DTNA: variants seen among roughly 807,000 people sequenced by gnomAD.
The protein encoded by DTNA is dystrobrevin alpha, also known as dystrophin-related protein 3.
A neutral mutation model predicts 100.7 loss-of-function variants in DTNA; 43 were observed. The observed-to-expected ratio is 0.43, with a 90% CI of 0.33 to 0.55. DTNA has a LOEUF of 0.55. DTNA is among the 20% of genes least tolerant of loss of function. The pLI is 0.04. For synonymous variants in DTNA, 349 were observed against 347.9 expected, an observed-to-expected ratio of 1.00 and a Z score of -0.04; for missense variants, 798 against 953.9, an observed-to-expected ratio of 0.84 and a Z score of 2.15.
intron 1 of DTNA, among the ~76,000 whole-genome samples, chr18:34,634,810 T>A (rs562061762): frequency 6.6e-6 from 1 of 152,202 alleles, no homozygotes; most frequent in Non-Finnish European, 1.5e-5. Flanking sequence ...CTACCTCCTT[T>A]TTTGTAGTGA....
chr18:34,764,639 G>A (rs959032890), intron 2 of DTNA, among the ~76,000 whole-genome samples: 2 of 152,204 alleles, frequency 1.3e-5, no homozygotes, highest in Non-Finnish European at 2.9e-5. Flanking sequence ...TGAAGATATC[G>A]GTTTGAGTTG....
intron 1 of DTNA, among the ~76,000 whole-genome samples, chr18:34,528,487 T>TAC (rs919718253): frequency 2.0e-5 from 3 of 152,006 alleles, no homozygotes; most frequent in Admixed American, 6.6e-5. Context: ...CATATATATA[T>TAC]ACACACACAT....
chr18:34,814,793 G>T (rs1443005945), intron 6 of DTNA, among the ~76,000 whole-genome samples: 1 of 152,126 alleles, frequency 6.6e-6, no homozygotes, highest in East Asian at 1.9e-4. Flanking sequence ...AGACTGTTCT[G>T]TTATATGATT....
At chr18:34,614,716 G>C (rs555354543) in intron 1 of DTNA, among the ~76,000 whole-genome samples, 1 of 152,344 alleles carries the variant, frequency 6.6e-6, no homozygotes, top group African/African-American at 2.4e-5. Flanking sequence ...GATAGAACTT[G>C]AAAACAAGAG....
chr18:34,709,739 G>A (rs916404173), upstream of DTNA, among the ~76,000 whole-genome samples: 2 of 152,124 alleles, frequency 1.3e-5, no homozygotes, highest in African/African-American at 4.8e-5. Context: ...GTTAAACACA[G>A]GGTTTTGATG....
intron 1 of DTNA, among the ~76,000 whole-genome samples, chr18:34,647,899 C>T (rs2060028562): frequency 6.6e-6 from 1 of 152,070 alleles, no homozygotes; most frequent in Admixed American, 6.6e-5. Context: ...ATGCCTACCT[C>T]CATGGATGAA....
chr18:34,755,700 T>C (rs1052909064), intron 1 of DTNA: 21 of 394,254 alleles, frequency 5.3e-5, no homozygotes, highest in African/African-American at 3.9e-4. Flanking sequence ...TTGTTGTATT[T>C]AGTTATAGCA....
At chr18:34,582,117 C>G (rs943978354) in intron 1 of DTNA, among the ~76,000 whole-genome samples, 16 of 151,892 alleles carry the variant, frequency 1.1e-4, no homozygotes, top group Non-Finnish European at 1.6e-4. Flanking sequence ...TGTGGCTGCT[C>G]AGAGAGAGAG....
chr18:34,673,451 A>G (rs139937055), intron 1 of DTNA, among the ~76,000 whole-genome samples: 2 of 151,776 alleles, frequency 1.3e-5, no homozygotes, highest in Admixed American at 1.3e-4. Context: ...AAATGCAAGT[A>G]TCATCTCGAT....
chr18:34,702,773 A>T (rs1016046225), intron 1 of DTNA, among the ~76,000 whole-genome samples: 1 of 152,230 alleles, frequency 6.6e-6, no homozygotes, highest in African/African-American at 2.4e-5. Context: ...TATAAGCAAT[A>T]CACCTATTAA....
intron 1 of DTNA, among the ~76,000 whole-genome samples, chr18:34,581,152 G>T (rs1444604074): frequency 1.3e-5 from 2 of 152,212 alleles, no homozygotes; most frequent in East Asian, 3.9e-4. Flanking sequence ...GGAGACTGAG[G>T]CAGGAGAATG....
At chr18:34,761,076 A>G (rs76339426) in intron 2 of DTNA, among the ~76,000 whole-genome samples, 1 of 150,990 alleles carries the variant, frequency 6.6e-6, no homozygotes, top group Non-Finnish European at 1.5e-5. Context: ...TCTTCCTGTC[A>G]GTATCTCTCT....
At chr18:34,579,847 G>A (rs2048451149) in intron 1 of DTNA, among the ~76,000 whole-genome samples, 1 of 152,054 alleles carries the variant, frequency 6.6e-6, no homozygotes, top group African/African-American at 2.4e-5. Context: ...TACATGGGTT[G>A]ATATCTTTTA....
chr18:34,874,412 C>T (rs1364949636), intron 17 of DTNA, among the ~76,000 whole-genome samples: 1 of 152,240 alleles, frequency 6.6e-6, no homozygotes, highest in Non-Finnish European at 1.5e-5. Flanking sequence ...CAAGGCACCT[C>T]ATTTAGAGAC....
chr18:34,586,293 A>T (rs1449281187), intron 1 of DTNA, among the ~76,000 whole-genome samples: 1 of 152,178 alleles, frequency 6.6e-6, no homozygotes, highest in East Asian at 1.9e-4. Context: ...TGGTGCCTCC[A>T]AGGGTAGATT....
At chr18:34,871,241 G>T (rs2096762622) in intron 17 of DTNA, among the ~76,000 whole-genome samples, 1 of 152,168 alleles carries the variant, frequency 6.6e-6, no homozygotes, top group African/African-American at 2.4e-5. Context: ...GTGGTGAATA[G>T]AAATCAAAAC....
chr18:34,845,308 T>C (rs942156088), intron 13 of DTNA, among the ~76,000 whole-genome samples: 3 of 152,154 alleles, frequency 2.0e-5, no homozygotes, highest in Non-Finnish European at 2.9e-5. Flanking sequence ...AGGAAAGGCA[T>C]GGACGTATGA....
intron 1 of DTNA, among the ~76,000 whole-genome samples, chr18:34,699,817 A>C (rs2081121022): frequency 6.6e-6 from 1 of 152,208 alleles, no homozygotes; most frequent in Non-Finnish European, 1.5e-5. Flanking sequence ...CATCCATATT[A>C]GTCTATGCTT....
chr18:34,598,204 AT>A (rs1424396381), intron 1 of DTNA, among the ~76,000 whole-genome samples: 2 of 144,242 alleles, frequency 1.4e-5, no homozygotes, highest in Admixed American at 6.9e-5. Flanking sequence ...GGAATTCTCT[AT>A]TTTCTTTCTT....
Sources: allele counts gnomAD v4.1 joint callset (sites outside exome capture counted in the v4.1 genomes callset), GRCh38; gene constraint gnomAD v4.1.1; transcripts MANE v1.5; gene names NCBI Gene and HGNC (gene_info 2026-07-23, HGNC 2026-07-21).